The following CDK5RAP2 variants were observed in gnomAD, a reference collection of about 807,000 sequenced individuals.
The protein encoded by CDK5RAP2 is CDK5 regulatory subunit-associated protein 2.
CDK5RAP2 carries 147 observed loss-of-function variants against 232.9 expected under a neutral mutation model. The observed-to-expected ratio is 0.63, with a 90% CI of 0.55 to 0.72. The LOEUF (loss-of-function observed/expected upper bound fraction) is 0.72. CDK5RAP2 is among the 30% of genes least tolerant of loss of function. The pLI is 0.00. For missense variants in CDK5RAP2, 2,195 were observed against 2,231.5 expected (o/e 0.98, Z 0.33); for synonymous variants, 833 against 833.7 (o/e 1.00, Z 0.01).
At chr9:120,549,102 G>A (rs983506912) in intron 4 of CDK5RAP2, among the ~76,000 whole-genome samples, 3 of 150,400 alleles carry the variant, frequency 2.0e-5, no homozygotes, top group Admixed American at 6.6e-5. Flanking sequence ...GTTGCAGTAA[G>A]CCAAGATTGT....
intron 15 of CDK5RAP2, among the ~76,000 whole-genome samples, chr9:120,474,028 T>A (rs1450197593): frequency 6.6e-6 from 1 of 151,946 alleles, no homozygotes. Flanking sequence ...AAACAAGGAG[T>A]TAGAGAGATC....
intron 14 of CDK5RAP2, among the ~76,000 whole-genome samples, chr9:120,486,891 T>C (rs912294856): frequency 6.6e-6 from 1 of 152,046 alleles, no homozygotes; most frequent in African/African-American, 2.4e-5. Context: ...CTATAAGAAA[T>C]TTGCTATTGC....
At chr9:120,555,966 G>A (rs2042213275) in intron 3 of CDK5RAP2, among the ~76,000 whole-genome samples, 1 of 152,168 alleles carries the variant, frequency 6.6e-6, no homozygotes, top group South Asian at 2.1e-4. Context: ...CCATTTATAC[G>A]ACATTCTGGG....
intron 23 of CDK5RAP2, among the ~76,000 whole-genome samples, chr9:120,440,741 C>T (rs1404533502): frequency 6.6e-6 from 1 of 152,178 alleles, no homozygotes; most frequent in African/African-American, 2.4e-5. Context: ...TTCACATTCT[C>T]GGCGTCTAGT....
At chr9:120,570,340 T>C (rs1373890893) in intron 2 of CDK5RAP2, among the ~76,000 whole-genome samples, 1 of 152,186 alleles carries the variant, frequency 6.6e-6, no homozygotes, top group Non-Finnish European at 1.5e-5. Flanking sequence ...TGGGAAACTC[T>C]AGCCTGACCC....
At chr9:120,502,268 G>A (rs1274970722) in intron 12 of CDK5RAP2, among the ~76,000 whole-genome samples, 4 of 152,186 alleles carry the variant, frequency 2.6e-5, no homozygotes, top group African/African-American at 9.7e-5. Flanking sequence ...TGTCATCCTA[G>A]AAAGATCGTG....
intron 3 of CDK5RAP2, among the ~76,000 whole-genome samples, chr9:120,559,283 T>C (rs2042367115): frequency 6.6e-6 from 1 of 151,884 alleles, no homozygotes; most frequent in Non-Finnish European, 1.5e-5. Context: ...GGTCAGGAGA[T>C]CGAGACCATC....
chr9:120,425,891 T>C (rs559984648), intron 25 of CDK5RAP2, among the ~76,000 whole-genome samples: 1 of 152,190 alleles, frequency 6.6e-6, no homozygotes, highest in East Asian at 1.9e-4. Flanking sequence ...GTGGAAAGGG[T>C]GGACCCAAAA....
chr9:120,538,325 G>C (rs1217067760), intron 6 of CDK5RAP2, among the ~76,000 whole-genome samples: 1 of 152,164 alleles, frequency 6.6e-6, no homozygotes, highest in Non-Finnish European at 1.5e-5. Flanking sequence ...TTCAGGTAGA[G>C]AAACTGTGAT....
At position 120,491,424 on chromosome 9, in the gene CDK5RAP2, T is replaced by G. The variant is rs1374260674; in HGVS notation, c.1365A>C (p.Lys455Asn). The change falls in exon 13 of 38, where the codon AAA becomes AAC. Residue 455 changes from lysine (K) to asparagine (N), a missense_variant. Coordinates refer to ENST00000349780, the MANE Select transcript of CDK5RAP2 (RefSeq NM_018249.6). Reference sequence around the variant, plus strand: ...GACTCTTGTAACGATTTTCCATTGCTTTCTCTCTTTCATTCACTTCATTGC... The same window carrying G: ...GACTCTTGTAACGATTTTCCATTGCGTTCTCTCTTTCATTCACTTCATTGC... The part of the protein sequence containing the change: ...KLRNEVNERE[K>N]AMENRYKSLL... 1 of 1,612,224 alleles carries G rather than the reference T, an allele frequency of 6.2e-7. No individual in the cohort carries two copies.
At chr9:120,511,436 TA>T (rs1451134647) in intron 12 of CDK5RAP2, among the ~76,000 whole-genome samples, 1 of 152,252 alleles carries the variant, frequency 6.6e-6, no homozygotes, top group Non-Finnish European at 1.5e-5. Flanking sequence ...GAAAAGCTTC[TA>T]CTTTCAAGCT....
chr9:120,421,304 C>T (rs949306734), intron 26 of CDK5RAP2, among the ~76,000 whole-genome samples: 2 of 152,154 alleles, frequency 1.3e-5, no homozygotes, highest in Non-Finnish European at 1.5e-5. Flanking sequence ...CTCTGGGAAG[C>T]CTTCCTTGCC....
At chr9:120,491,266 C>G (rs773312934) in intron 13 of CDK5RAP2, 41 bp downstream of exon 13, 1 of 1,438,822 alleles carries the variant, frequency 7.0e-7, no homozygotes, top group Non-Finnish European at 9.8e-7. Flanking sequence ...AAAAATCAAC[C>G]CATGCCAAAT....
chr9:120,496,757 G>A (rs1170498292), intron 12 of CDK5RAP2, among the ~76,000 whole-genome samples: 14 of 131,170 alleles, frequency 1.1e-4, no homozygotes, highest in Middle Eastern at 4.2e-3. Flanking sequence ...CCCCCCGCCC[G>A]GCCAGCCGCC....
At chr9:120,458,032 G>T (rs1209074936) in intron 20 of CDK5RAP2, among the ~76,000 whole-genome samples, 1 of 152,148 alleles carries the variant, frequency 6.6e-6, no homozygotes, top group Non-Finnish European at 1.5e-5. Flanking sequence ...CATAGGAATG[G>T]CTCCCAACAG....
At chr9:120,569,918 C>T (rs1462067593) in intron 2 of CDK5RAP2, among the ~76,000 whole-genome samples, 1 of 151,652 alleles carries the variant, frequency 6.6e-6, no homozygotes, top group East Asian at 1.9e-4. Flanking sequence ...AGTCTGATTC[C>T]GATACTTTAA....
chr9:120,560,786 T>A (rs1588659244), intron 3 of CDK5RAP2, among the ~76,000 whole-genome samples: 1 of 152,096 alleles, frequency 6.6e-6, no homozygotes, highest in Non-Finnish European at 1.5e-5. Flanking sequence ...CCAGCTAATT[T>A]TTTTATTTTT....
chr9:120,494,176 T>C (rs191167632), intron 12 of CDK5RAP2, among the ~76,000 whole-genome samples: 109 of 149,172 alleles, frequency 7.3e-4, no homozygotes, highest in Non-Finnish European at 1.3e-3. Flanking sequence ...ACACAGAGAA[T>C]TGGAAAGACA....
intron 18 of CDK5RAP2, among the ~76,000 whole-genome samples, chr9:120,464,178 C>T (rs571975941): frequency 6.6e-6 from 1 of 152,292 alleles, no homozygotes; most frequent in Admixed American, 6.5e-5. Flanking sequence ...TGTTACTCTG[C>T]ACTCTACTGC....
Sources: gnomAD v4.1 joint callset for allele counts (sites outside exome capture counted in the v4.1 genomes callset) on GRCh38, gnomAD v4.1.1 for gene constraint, MANE v1.5 for transcripts, NCBI Gene and HGNC (gene_info 2026-07-23, HGNC 2026-07-21) for gene names.